KIAA0825: variants seen among roughly 807,000 people sequenced by gnomAD.
The protein encoded by KIAA0825 is uncharacterized protein KIAA0825.
KIAA0825 carries 119 observed loss-of-function variants against 147.6 expected under a neutral mutation model. The ratio of observed to expected loss-of-function variants is 0.81; its 90% confidence interval spans 0.69 to 0.94. The LOEUF is 0.94. KIAA0825 is among the 40% of genes least tolerant of loss of function. The pLI is 0.00. For synonymous variants in KIAA0825, 470 were observed against 518.1 expected (o/e 0.91, Z 1.26); for missense variants, 1,381 against 1,472.7 (o/e 0.94, Z 1.02).
At chr5:94,535,883 T>C (rs901807193) in intron 3 of KIAA0825, among the ~76,000 whole-genome samples, 12 of 152,364 alleles carry the variant, frequency 7.9e-5, no homozygotes, top group African/African-American at 2.9e-4. Flanking sequence ...CAAAATATGC[T>C]ATCCAGTCTT....
intron 20 of KIAA0825, among the ~76,000 whole-genome samples, chr5:94,201,288 G>A (rs867466821): frequency 3.2e-4 from 48 of 151,464 alleles, no homozygotes; most frequent in African/African-American, 1.0e-3. Flanking sequence ...TTATACATTT[G>A]TATAATGTAA....
At chr5:94,198,448 A>G (rs1424052794) in intron 20 of KIAA0825, among the ~76,000 whole-genome samples, 1 of 151,622 alleles carries the variant, frequency 6.6e-6, no homozygotes, top group Non-Finnish European at 1.5e-5. Context: ...GTCTGCCTAC[A>G]TTGATTCAAA....
chr5:94,277,452 A>G (rs1777271613), intron 20 of KIAA0825, among the ~76,000 whole-genome samples: 1 of 152,184 alleles, frequency 6.6e-6, no homozygotes, highest in Admixed American at 6.5e-5. Context: ...GGCAAAGGAT[A>G]TGAACAGACA....
chr5:94,381,767 AGTAAG>A (rs2150512824), intron 20 of KIAA0825, among the ~76,000 whole-genome samples: 1 of 152,310 alleles, frequency 6.6e-6, no homozygotes, highest in South Asian at 2.1e-4. Context: ...CTAAAGTCAA[AGTAAG>A]TGCCTGAGAA....
chr5:94,250,470 G>A (rs1775891568), intron 20 of KIAA0825, among the ~76,000 whole-genome samples: 1 of 152,060 alleles, frequency 6.6e-6, no homozygotes, highest in African/African-American at 2.4e-5. Context: ...TCACTTTAGA[G>A]TAGTTATATA....
intron 20 of KIAA0825, among the ~76,000 whole-genome samples, chr5:94,273,350 A>G (rs935621181): frequency 1.3e-5 from 2 of 152,168 alleles, no homozygotes; most frequent in African/African-American, 4.8e-5. Context: ...TAATACTGGG[A>G]ACATTTCTTA....
At chr5:94,357,781 T>G (rs1404054946) in intron 20 of KIAA0825, among the ~76,000 whole-genome samples, 3 of 152,176 alleles carry the variant, frequency 2.0e-5, no homozygotes, top group Non-Finnish European at 4.4e-5. Context: ...AAATCACACC[T>G]GGTTAAAGCT....
At chr5:94,581,520 A>G (rs1324530468) in intron 2 of KIAA0825, among the ~76,000 whole-genome samples, 1 of 152,198 alleles carries the variant, frequency 6.6e-6, no homozygotes, top group Non-Finnish European at 1.5e-5. Context: ...ATTTAAAGTT[A>G]AACTGACACA....
chr5:94,616,063 G>A (rs533110406), intron 1 of KIAA0825, among the ~76,000 whole-genome samples: 1 of 152,086 alleles, frequency 6.6e-6, no homozygotes, highest in Admixed American at 6.6e-5. Flanking sequence ...TACACGCCAG[G>A]CACAGTGCTA....
At chr5:94,503,677 T>C (rs1217745139) in intron 5 of KIAA0825, among the ~76,000 whole-genome samples, 4 of 152,218 alleles carry the variant, frequency 2.6e-5, no homozygotes, top group African/African-American at 7.2e-5. Context: ...CTTGCTTCCA[T>C]ACTCATGCTC....
At chr5:94,296,090 CAG>C (rs1778119001) in intron 20 of KIAA0825, among the ~76,000 whole-genome samples, 1 of 152,172 alleles carries the variant, frequency 6.6e-6, no homozygotes, top group South Asian at 2.1e-4. Flanking sequence ...GCCTTTCTTT[CAG>C]AGATTCCCTG....
chr5:94,370,277 TAGA>T (rs1229382002), intron 20 of KIAA0825, among the ~76,000 whole-genome samples: 10 of 151,908 alleles, frequency 6.6e-5, no homozygotes, highest in Non-Finnish European at 1.0e-4. Flanking sequence ...GGCATGGAGG[TAGA>T]AAGTAACAAA....
intron 20 of KIAA0825, among the ~76,000 whole-genome samples, chr5:94,319,247 A>G (rs1363349658): frequency 5.3e-5 from 8 of 151,380 alleles, no homozygotes; most frequent in Admixed American, 4.6e-4. Flanking sequence ...TTTTTCTCCT[A>G]CTCCAGTGAC....
At chr5:94,310,074 A>C (rs1348557699) in intron 20 of KIAA0825, among the ~76,000 whole-genome samples, 1 of 151,784 alleles carries the variant, frequency 6.6e-6, no homozygotes, top group African/African-American at 2.4e-5. Flanking sequence ...AAGACTAAAA[A>C]GTGCTATAAA....
At chr5:94,310,338 C>T (rs1779047572) in intron 20 of KIAA0825, among the ~76,000 whole-genome samples, 1 of 151,630 alleles carries the variant, frequency 6.6e-6, no homozygotes, top group South Asian at 2.1e-4. Context: ...CTCGATCTAT[C>T]TTTGGCTCCT....
intron 2 of KIAA0825, among the ~76,000 whole-genome samples, chr5:94,579,945 C>T (rs1781773429): frequency 6.6e-6 from 1 of 152,094 alleles, no homozygotes; most frequent in African/African-American, 2.4e-5. Flanking sequence ...AAATACATTG[C>T]AACACAATTA....
intron 1 of KIAA0825, among the ~76,000 whole-genome samples, chr5:94,613,170 G>A (rs449798): frequency 0.21 from 31,977 of 151,990 alleles, 3,483 homozygotes; most frequent in South Asian, 0.33. Flanking sequence ...TGTATTTCAA[G>A]GGATGCACTA....
At chr5:94,544,337 A>T (rs1237153822) in intron 2 of KIAA0825, among the ~76,000 whole-genome samples, 1 of 152,226 alleles carries the variant, frequency 6.6e-6, no homozygotes, top group Non-Finnish European at 1.5e-5. Flanking sequence ...CTATGGCATA[A>T]TGAGAAGAAG....
intron 1 of KIAA0825, among the ~76,000 whole-genome samples, chr5:94,612,257 T>G (rs1440059139): frequency 6.6e-6 from 1 of 152,140 alleles, no homozygotes; most frequent in African/African-American, 2.4e-5. Context: ...ATTCAAGATT[T>G]GAAATTCAAA....
Sources: gnomAD v4.1 joint callset for allele counts (sites outside exome capture counted in the v4.1 genomes callset) on GRCh38, gnomAD v4.1.1 for gene constraint, MANE v1.5 for transcripts, NCBI Gene and HGNC (gene_info 2026-07-23, HGNC 2026-07-21) for gene names.